Variants in PCCA observed in about 807,000 individuals in gnomAD.
PCCA encodes the protein propionyl-CoA carboxylase subunit alpha.
Under a neutral mutation model 101.3 loss-of-function variants are expected in PCCA, and 74 were observed. The observed-to-expected ratio is 0.73, with a 90% CI of 0.61 to 0.89. The LOEUF (loss-of-function observed/expected upper bound fraction) is 0.89. Ranked by LOEUF, PCCA falls within the 40% of genes least tolerant of loss-of-function variation. The pLI, the probability that PCCA is intolerant of heterozygous loss-of-function variation, is 0.00. For missense variants in PCCA, 891 were observed against 907.0 expected, an observed-to-expected ratio of 0.98 and a Z score of 0.23; for synonymous variants, 294 against 313.6, an observed-to-expected ratio of 0.94 and a Z score of 0.66.
chr13:100,341,973 A>ATATATG (rs1555426208), intron 18 of PCCA, among the ~76,000 whole-genome samples: 3 of 121,870 alleles, frequency 2.5e-5, no homozygotes, highest in Non-Finnish European at 3.4e-5. Flanking sequence ...ATATATATAT[A>ATATATG]TATATATATG....
chr13:100,275,394 T>C (rs2063577656), intron 12 of PCCA, among the ~76,000 whole-genome samples: 2 of 152,122 alleles, frequency 1.3e-5, no homozygotes, highest in Admixed American at 1.3e-4. Context: ...TCCCCAGCCG[T>C]GGGGAAGCTG....
At chr13:100,352,914 G>A (rs370425967) in intron 18 of PCCA, among the ~76,000 whole-genome samples, 2 of 152,092 alleles carry the variant, frequency 1.3e-5, no homozygotes, top group East Asian at 1.9e-4. Flanking sequence ...TATTGCCCAG[G>A]CTGGTCTTGA....
intron 22 of PCCA, among the ~76,000 whole-genome samples, chr13:100,518,028 G>T (rs761925134): frequency 9.3e-5 from 14 of 151,126 alleles, no homozygotes; most frequent in Middle Eastern, 3.4e-3. Context: ...GTTTTCCTCC[G>T]CACTAACAAT....
rs983369406 is a variant in PCCA, at chr13:100,146,840, T to C, written c.301-8139T>C. On this transcript the variant is annotated intron_variant, in intron 4 of 23. Coordinates refer to ENST00000376285, the MANE Select transcript of PCCA (RefSeq NM_000282.4). ...GTATTTAAATTAAATATTTTTCTTATAGAAATATACATATGTATGCAGATT... is the reference window on the plus strand; with the variant it reads ...GTATTTAAATTAAATATTTTTCTTACAGAAATATACATATGTATGCAGATT... Among the ~76,000 whole-genome samples the C allele has an allele frequency of 3.8e-4, 53 of 139,156 alleles. 2 individuals are homozygous for C. Among genetic ancestry groups the C allele is most frequent in the African/African-American group, 1.6e-3 (46 of 29,050 alleles). The allele number at this position is 139,156 out of a possible 152,430, so 91.3% of individuals were successfully genotyped here. A position where few individuals can be genotyped will look rare whatever the true frequency, so the allele number is the denominator to read the frequency against.
intron 19 of PCCA, among the ~76,000 whole-genome samples, chr13:100,393,500 C>A (rs1344247934): frequency 1.4e-5 from 2 of 145,460 alleles, no homozygotes. Flanking sequence ...CCCACTGCAA[C>A]CTCTGCCTCC....
chr13:100,282,487 C>A (rs772359633), intron 12 of PCCA, among the ~76,000 whole-genome samples: 2 of 152,186 alleles, frequency 1.3e-5, no homozygotes, highest in African/African-American at 2.4e-5. Context: ...TCGGCACTTG[C>A]GGGCCAGCTG....
intron 19 of PCCA, among the ~76,000 whole-genome samples, chr13:100,372,282 G>T (rs1171117702): frequency 6.6e-6 from 1 of 152,194 alleles, no homozygotes; most frequent in East Asian, 1.9e-4. Flanking sequence ...AACTCAGTGG[G>T]CAAAGGTTGC....
chr13:100,326,643 C>T (rs1042598958), intron 16 of PCCA, among the ~76,000 whole-genome samples: 10 of 152,134 alleles, frequency 6.6e-5, no homozygotes, highest in Non-Finnish European at 1.5e-4. Context: ...TCTCCTGCCT[C>T]TGCAACCCCT....
In PCCA at chr13:100,089,167, G is replaced by C; in HGVS notation, c.47G>C (p.Arg16Pro). Residue 16 changes from arginine to proline, a missense_variant, in exon 1 of 24, where the codon CGG becomes CCG. Coordinates refer to ENST00000376285, the MANE Select transcript of PCCA (RefSeq NM_000282.4). ...VGTAPLVAAGRRGRWPPQQLM... is the reference protein window; with the variant it reads ...VGTAPLVAAGPRGRWPPQQLM... ...ACAGCACCGCTGGTCGCTGCCGGAC[G>C]GCGTGGGCGGTGGCCGCCGCAGCAG... 2 of 1,528,948 alleles carry C rather than the reference G, an allele frequency of 1.3e-6. No homozygotes were observed. Among genetic ancestry groups the C allele is most frequent in the South Asian group, 1.2e-5 (1 of 80,332 alleles). 94.7% of individuals were successfully genotyped at this position (1,528,948 alleles called of 1,614,324 possible). A position where few individuals can be genotyped will look rare whatever the true frequency, so the allele number is the denominator to read the frequency against.
Position 100,394,135 on chromosome 13 carries a change from G to A in PCCA, c.1746+25561G>A, listed in dbSNP as rs778176571. ...TGCTTTCCTTTGAAATGTGTGAGGC[G>A]GTTTGAGATGCAGCTTCTCAGATGG... On this transcript the variant is annotated intron_variant, in intron 19 of 23. Coordinates refer to ENST00000376285, the MANE Select transcript of PCCA (RefSeq NM_000282.4). This position sits in a 1 kb window ranked among gnomAD's most constrained non-coding sequence, Gnocchi z 4.3. Among the ~76,000 whole-genome samples, 4 of 152,146 alleles carry A rather than the reference G, an allele frequency of 2.6e-5. No individual in the cohort carries two copies. The highest frequency in any genetic ancestry group is 2.1e-4 in the South Asian group (1 of 4,818).
intron 21 of PCCA, among the ~76,000 whole-genome samples, chr13:100,482,743 G>A (rs9585446): frequency 0.1 from 15,892 of 152,102 alleles, 1,393 homozygotes; most frequent in African/African-American, 0.24. Context: ...TGCATGCCAC[G>A]GGTGCAGTGG....
intron 16 of PCCA, among the ~76,000 whole-genome samples, chr13:100,312,792 A>T (rs942961617): frequency 5.9e-5 from 9 of 152,226 alleles, no homozygotes; most frequent in African/African-American, 1.9e-4. Flanking sequence ...GTAGAAAAGC[A>T]ATTTGTAGTC....
At chr13:100,488,830 T>TATAGTAAAC (rs935619151) in intron 21 of PCCA, among the ~76,000 whole-genome samples, 1 of 151,842 alleles carries the variant, frequency 6.6e-6, no homozygotes, top group African/African-American at 2.4e-5. Flanking sequence ...TGGAAAGTGC[T>TATAGTAAAC]ATAGTAAACT....
intron 6 of PCCA, among the ~76,000 whole-genome samples, chr13:100,171,718 T>C (rs1360013702): frequency 6.6e-6 from 1 of 151,968 alleles, no homozygotes. Flanking sequence ...GAAAACCCCA[T>C]CTCTACAAAT....
chr13:100,118,652 G>C (rs768980812), intron 4 of PCCA, among the ~76,000 whole-genome samples: 1 of 151,900 alleles, frequency 6.6e-6, no homozygotes, highest in African/African-American at 2.4e-5. Flanking sequence ...GGGCACAAGC[G>C]ATCCTCCCAC....
At chr13:100,232,332 TTATG>T (rs2060522569) in intron 7 of PCCA, among the ~76,000 whole-genome samples, 1 of 129,160 alleles carries the variant, frequency 7.7e-6, no homozygotes, top group Admixed American at 7.7e-5. Flanking sequence ...CTGTTTATGT[TTATG>T]TGTGTGTGTG....
intron 16 of PCCA, among the ~76,000 whole-genome samples, chr13:100,315,227 ATTATTTCAAAATAATTTTGAAT>A (rs1392372107): frequency 1.3e-5 from 2 of 152,044 alleles, no homozygotes; most frequent in African/African-American, 4.8e-5. Context: ...GAATTTTGAA[ATTATTTCAAAATAATTTTGAAT>A]TTTTTTATTT....
chr13:100,336,367 C>T lies in PCCA; in HGVS notation c.1541-3790C>T, dbSNP rs377279884. 1.1e-3 allele frequency among the ~76,000 whole-genome samples: 160 copies of T among 152,234 alleles called. 5 individuals are homozygous for T. The South Asian group carries it at 0.029, about 28-fold the overall frequency. On this transcript the variant is annotated intron_variant, in intron 17 of 23. Coordinates refer to ENST00000376285, the MANE Select transcript of PCCA (RefSeq NM_000282.4). ...AATAAATGGTAGACCTAAAACCACT[C>T]GGGAAATACACAGGTCAGGCTTCTT...
At chr13:100,240,893 G>A (rs2061086319) in intron 8 of PCCA, among the ~76,000 whole-genome samples, 1 of 151,938 alleles carries the variant, frequency 6.6e-6, no homozygotes, top group African/African-American at 2.4e-5. Context: ...AATATAATGT[G>A]AACAAATCTT....
Sources: allele counts gnomAD v4.1 joint callset (sites outside exome capture counted in the v4.1 genomes callset), GRCh38; gene constraint gnomAD v4.1.1; non-coding constraint Gnocchi (gnomAD v3.1); transcripts MANE v1.5; gene names NCBI Gene and HGNC (gene_info 2026-07-23, HGNC 2026-07-21).